USP4: variants seen among roughly 807,000 people sequenced by gnomAD.
USP4 encodes ubiquitin carboxyl-terminal hydrolase 4.
USP4 carries 72 observed loss-of-function variants against 118.2 expected under a neutral mutation model. The ratio of observed to expected loss-of-function variants is 0.61; its 90% CI spans 0.50 to 0.74. The LOEUF is 0.74. USP4 is among the 30% of genes least tolerant of loss of function. The pLI is 0.00. For missense variants in USP4, 1,037 were observed against 1,185.7 expected (o/e 0.87, Z 1.84); for synonymous variants, 415 against 440.4 (o/e 0.94, Z 0.72).
At chr3:49,323,733 G>A (rs2047524021) in intron 6 of USP4, among the ~76,000 whole-genome samples, 1 of 152,192 alleles carries the variant, frequency 6.6e-6, no homozygotes, top group Non-Finnish European at 1.5e-5. Context: ...AGGCCTGACA[G>A]AGGGAAAAGG....
At chr3:49,295,714 G>GCGCGCGCGCGCACA (rs149459963) in intron 13 of USP4, among the ~76,000 whole-genome samples, 1 of 148,414 alleles carries the variant, frequency 6.7e-6, no homozygotes, top group African/African-American at 2.6e-5. Context: ...GCGCGCGCGC[G>GCGCGCGCGCGCACA]CACACACACA....
Position 49,297,881 on chromosome 3 carries a change from A to C in USP4, c.1680T>G (p.Asp560Glu), listed in dbSNP as rs919280293. The C allele has an allele frequency of 6.2e-7, 1 of 1,613,940 alleles. No homozygotes were observed. Among genetic ancestry groups the C allele is most frequent in the African/African-American group, 1.3e-5 (1 of 74,952 alleles). The change falls in exon 13 of 22, where the codon GAT becomes GAG. Residue 560 changes from aspartate (D) to glutamate (E), a missense_variant. Physicochemically the swap from Asp to Glu is conservative, Grantham distance 45. This residue lies in a region of USP4 where 522 missense variants were observed against 592.6 expected (regional missense o/e 0.88). Coordinates refer to ENST00000265560, the MANE Select transcript of USP4 (RefSeq NM_003363.4). ...DEGLNHIMPRDDIFVYEVCST... is the reference protein window; with the variant it reads ...DEGLNHIMPREDIFVYEVCST... Reference sequence around the variant, plus strand: ...TGCTGAGTACTCACACGAAAATGTCATCCCGAGGCATGATGTGGTTTAAAC... The same window carrying C: ...TGCTGAGTACTCACACGAAAATGTCCTCCCGAGGCATGATGTGGTTTAAAC...
chr3:49,277,868 T>G lies in USP4; in HGVS notation c.*425A>C. On this transcript the variant is annotated 3_prime_UTR_variant, in exon 22 of 22. Coordinates refer to ENST00000265560, the MANE Select transcript of USP4 (RefSeq NM_003363.4). ...GGAGTTTACTTGAGGTTTGGGTTACTGTGAGCAGACTACTTGGGGTGACTA... is the reference window on the plus strand; with the variant it reads ...GGAGTTTACTTGAGGTTTGGGTTACGGTGAGCAGACTACTTGGGGTGACTA... 1 of 349,262 alleles carries G rather than the reference T, an allele frequency of 2.9e-6. No homozygotes were observed. The highest frequency in any genetic ancestry group is 5.1e-6 in the Non-Finnish European group (1 of 196,112). The allele number at this position is 349,262 out of a possible 1,614,324, so 21.6% of individuals were successfully genotyped here. A position where few individuals can be genotyped will look rare whatever the true frequency, so the allele number is the denominator to read the frequency against.
intron 6 of USP4, chr3:49,313,876 T>C (rs1015421809): frequency 5.3e-5 from 8 of 152,124 alleles, no homozygotes; most frequent in African/African-American, 1.9e-4. Flanking sequence ...TTTACCTTTT[T>C]TTTTTGGTAA....
At chr3:49,332,286 A>G (rs1339492857) in intron 2 of USP4, among the ~76,000 whole-genome samples, 1 of 151,886 alleles carries the variant, frequency 6.6e-6, no homozygotes, top group African/African-American at 2.4e-5. Flanking sequence ...TACAAAACAA[A>G]CAAACAAACA....
At chr3:49,311,342 C>T (rs777843844) in intron 7 of USP4, among the ~76,000 whole-genome samples, 172 bp downstream of exon 7, 6 of 152,160 alleles carry the variant, frequency 3.9e-5, no homozygotes, top group Non-Finnish European at 8.8e-5. Context: ...CAGATCAGAA[C>T]TTGGAAGCAC....
chr3:49,319,342 G>A (rs374177902), intron 6 of USP4, among the ~76,000 whole-genome samples: 37 of 151,568 alleles, frequency 2.4e-4, no homozygotes, highest in East Asian at 1.2e-3. Flanking sequence ...TCCGCCTCCC[G>A]GGTTCAAGAG....
intron 6 of USP4, among the ~76,000 whole-genome samples, chr3:49,324,452 C>G (rs2047531108): frequency 2.0e-5 from 3 of 152,186 alleles, no homozygotes; most frequent in African/African-American, 7.2e-5. Context: ...CCCTCATATC[C>G]CTTCCTCCTT....
chr3:49,333,960 C>T (rs2107805489), intron 2 of USP4, among the ~76,000 whole-genome samples: 1 of 151,928 alleles, frequency 6.6e-6, no homozygotes, highest in South Asian at 2.1e-4. Flanking sequence ...TGGAGGTTGC[C>T]ATGAGCCACG....
chr3:49,288,505 T>C (rs2047122779), intron 15 of USP4, among the ~76,000 whole-genome samples: 1 of 152,056 alleles, frequency 6.6e-6, no homozygotes, highest in Non-Finnish European at 1.5e-5. Context: ...TGAAACCCCA[T>C]CTCTACTAAA....
Position 49,325,759 on chromosome 3 carries a change from G to A in USP4, c.447C>T (p.Thr149=). The A allele has an allele frequency of 3.7e-6, 6 of 1,613,936 alleles. No individual in the cohort carries two copies. Among genetic ancestry groups the A allele is most frequent in the Non-Finnish European group, 5.1e-6 (6 of 1,179,922 alleles). The change falls in exon 4 of 22, where the codon ACC becomes ACT. Residue 149 remains threonine (T), a synonymous_variant. Coordinates refer to ENST00000265560, the MANE Select transcript of USP4 (RefSeq NM_003363.4). ...TGCTGAAATGGCAACTCAGCACATT[G>A]GTGGGGTCACTGTTCTCACAGAGCT... ...ELKLCENSDP[T]NVLSCHFSKA...
chr3:49,297,991 C>T, intron 12 of USP4, 27 bp from the exon 13 acceptor site: 2 of 1,485,194 alleles, frequency 1.3e-6, no homozygotes, highest in Non-Finnish European at 1.9e-6. Context: ...ACAGAAAGAC[C>T]ACAGAATGGC....
At chr3:49,311,781 T>C in intron 6 of USP4, 127 bp from the exon 7 acceptor site, 1 of 1,416,000 alleles carries the variant, frequency 7.1e-7, no homozygotes, top group Non-Finnish European at 9.2e-7. Flanking sequence ...ACAAAAAGCC[T>C]GTATTCATAC....
chr3:49,316,286 T>C (rs2047434907), intron 6 of USP4, among the ~76,000 whole-genome samples: 2 of 145,048 alleles, frequency 1.4e-5, no homozygotes, highest in South Asian at 2.1e-4. Context: ...ACTCTTTTAA[T>C]TTAACTTTAT....
intron 15 of USP4, among the ~76,000 whole-genome samples, chr3:49,289,401 C>T (rs2047129879): frequency 1.3e-5 from 2 of 152,178 alleles, no homozygotes; most frequent in African/African-American, 4.8e-5. Context: ...CAAGTCCACC[C>T]CACACCTTGA....
At chr3:49,326,007 G>A (rs1162522485) in intron 3 of USP4, among the ~76,000 whole-genome samples, 162 bp from the exon 4 acceptor site, 1 of 152,102 alleles carries the variant, frequency 6.6e-6, no homozygotes, top group Non-Finnish European at 1.5e-5. Context: ...ACCAGTACCT[G>A]GACAAAGAGT....
rs1304513995 is a variant in USP4, at chr3:49,302,368, A to G, written c.1287+16T>C. The G allele has an allele frequency of 5.6e-6, 9 of 1,611,068 alleles. No homozygotes were observed. The highest frequency in any genetic ancestry group is 7.6e-6 in the Non-Finnish European group (9 of 1,178,764). On this transcript the variant is annotated intron_variant, in intron 10 of 21. Coordinates refer to ENST00000265560, the MANE Select transcript of USP4 (RefSeq NM_003363.4). Reference sequence around the variant, plus strand: ...TTCTTTGGCATATTATCATTCAGACATCATTAATGGCATACCGCATCTGGC... The same window carrying G: ...TTCTTTGGCATATTATCATTCAGACGTCATTAATGGCATACCGCATCTGGC...
At chr3:49,298,334 T>C (rs1356848526) in intron 12 of USP4, among the ~76,000 whole-genome samples, 1 of 152,302 alleles carries the variant, frequency 6.6e-6, no homozygotes, top group East Asian at 1.9e-4. Context: ...CCACGGCTAG[T>C]GTGAACCCAA....
rs1368188796 is a variant in USP4 at position 49,286,115 on chromosome 3, T to A, written c.2183A>T (p.Lys728Ile). 3 of 1,614,180 alleles carry A rather than the reference T, an allele frequency of 1.9e-6. No homozygotes were observed. In the South Asian group the frequency reaches 3.3e-5, roughly 18 times the overall value. ...ADINSLAADG[K>I]LLKLNSRSTL... ...GTGCTTACAGTTGAGTTTAAGTAGT[T>A]TTCCATCAGCTGCAAGTGAATTTAT... The change falls in exon 16 of 22, where the codon AAA (lysine) becomes ATA (isoleucine). Residue 728 changes from lysine (K) to isoleucine (I), a missense_variant. By Grantham distance (102) the Lys-to-Ile change is moderately radical. Around this residue, in one of 3 missense-constraint regions of USP4, gnomAD observed 522 missense variants for 592.6 expected, o/e 0.88. Transcript: ENST00000265560.
Sources: gnomAD v4.1 joint callset for allele counts (sites outside exome capture counted in the v4.1 genomes callset) on GRCh38, gnomAD v4.1.1 for gene constraint, gnomAD v4.1.1 regional missense constraint, MANE v1.5 for transcripts, NCBI Gene and HGNC (gene_info 2026-07-23, HGNC 2026-07-21) for gene names.